PACRG: variants seen among roughly 807,000 people sequenced by gnomAD.
PACRG encodes the protein parkin coregulated gene protein.
PACRG carries 29 observed loss-of-function variants against 29.7 expected under a neutral mutation model. The observed-to-expected ratio is 0.98, with a 90% confidence interval of 0.73 to 1.33. The LOEUF (loss-of-function observed/expected upper bound fraction) is 1.33. PACRG is among the 40% of genes most tolerant of loss of function. PACRG has a pLI of 0.00. For synonymous variants in PACRG, 116 were observed against 118.7 expected (o/e 0.98, Z 0.15); for missense variants, 279 against 316.2 (o/e 0.88, Z 0.89).
At chr6:162,962,044 A>G (rs1017760480) in intron 2 of PACRG, among the ~76,000 whole-genome samples, 4 of 151,844 alleles carry the variant, frequency 2.6e-5, no homozygotes, top group Non-Finnish European at 1.5e-5. Flanking sequence ...TTTTTTCTCT[A>G]GTGTGTGTGA....
intron 4 of PACRG, among the ~76,000 whole-genome samples, chr6:163,216,116 G>A (rs1781352288): frequency 6.6e-6 from 1 of 152,208 alleles, no homozygotes; most frequent in South Asian, 2.1e-4. Context: ...TCTTTTCTGT[G>A]TCCAGAGGAC....
intron 2 of PACRG, among the ~76,000 whole-genome samples, chr6:162,895,133 G>A (rs542229736): frequency 1.3e-5 from 2 of 150,288 alleles, no homozygotes; most frequent in African/African-American, 4.9e-5. Context: ...AGCCATGTGT[G>A]GTGGCATGCG....
In PACRG at chr6:163,055,375, C is replaced by T. The variant is rs1019609665; in HGVS notation, c.292-6775C>T. Among the ~76,000 whole-genome samples, 6 of 151,986 alleles carry T rather than the reference C, an allele frequency of 3.9e-5. No homozygotes were observed. Among genetic ancestry groups the T allele is most frequent in the Non-Finnish European group, 8.8e-5 (6 of 67,982 alleles). ...ACACGCACACACACGCACACATATA[C>T]ACACATGCACTCACATATATACACA... On this transcript the variant is annotated intron_variant, in intron 2 of 4. Transcript: ENST00000366888. This position sits in a 1 kb window ranked among gnomAD's most constrained non-coding sequence, Gnocchi z 4.0.
chr6:162,819,056 A>C (rs1177833375), intron 2 of PACRG, among the ~76,000 whole-genome samples: 1 of 152,184 alleles, frequency 6.6e-6, no homozygotes, highest in Non-Finnish European at 1.5e-5. Flanking sequence ...CCTTGTCCAG[A>C]GTAGCAGACA....
At chr6:163,141,776 C>T (rs2128334686) in intron 4 of PACRG, among the ~76,000 whole-genome samples, 1 of 151,998 alleles carries the variant, frequency 6.6e-6, no homozygotes, top group Admixed American at 6.5e-5. Flanking sequence ...AACAATATAG[C>T]AGAAACATGT....
At chr6:163,233,979 G>A (rs1160524985) in intron 4 of PACRG, among the ~76,000 whole-genome samples, 1 of 152,180 alleles carries the variant, frequency 6.6e-6, no homozygotes, top group Non-Finnish European at 1.5e-5. Flanking sequence ...AGAAATGCCT[G>A]GTGGGAAGTA....
intron 4 of PACRG, among the ~76,000 whole-genome samples, chr6:163,219,527 C>T (rs1163452773): frequency 1.3e-5 from 2 of 152,244 alleles, no homozygotes; most frequent in African/African-American, 2.4e-5. Context: ...TTAATCCCAT[C>T]ATGCCATTCT....
intron 4 of PACRG, among the ~76,000 whole-genome samples, chr6:163,252,217 G>A (rs905968897): frequency 5.9e-5 from 9 of 152,226 alleles, no homozygotes; most frequent in African/African-American, 1.4e-4. Context: ...CGTGAGGGCC[G>A]CAGCCCCTGC....
At chr6:162,785,093 TC>T (rs1466376144) in intron 1 of PACRG, among the ~76,000 whole-genome samples, 3 of 151,958 alleles carry the variant, frequency 2.0e-5, no homozygotes, top group African/African-American at 7.3e-5. Context: ...TATATGGCTT[TC>T]CCAGCTAATT....
chr6:162,960,546 C>T (rs1017906479), intron 2 of PACRG, among the ~76,000 whole-genome samples: 7 of 152,094 alleles, frequency 4.6e-5, no homozygotes, highest in Non-Finnish European at 8.8e-5. Flanking sequence ...TAAGTGAGAG[C>T]TAAACATTGA....
chr6:162,940,582 T>C (rs796841491), intron 2 of PACRG, among the ~76,000 whole-genome samples: 4 of 152,300 alleles, frequency 2.6e-5, no homozygotes, highest in African/African-American at 9.6e-5. Flanking sequence ...ATGAATCAGA[T>C]GGCAGCAGAA....
intron 4 of PACRG, among the ~76,000 whole-genome samples, chr6:163,255,411 A>T (rs989935969): frequency 6.6e-6 from 1 of 152,120 alleles, no homozygotes; most frequent in East Asian, 1.9e-4. Flanking sequence ...GCAGCCACTC[A>T]GGTGTTTGCA....
intron 2 of PACRG, among the ~76,000 whole-genome samples, chr6:162,975,356 TA>T (rs1801862467): frequency 6.6e-6 from 1 of 152,236 alleles, no homozygotes; most frequent in East Asian, 1.9e-4. Flanking sequence ...TACAACTTGC[TA>T]AATCAAAAAC....
At chr6:163,009,323 G>C (rs905888986) in intron 2 of PACRG, among the ~76,000 whole-genome samples, 34 of 152,118 alleles carry the variant, frequency 2.2e-4, no homozygotes, top group Non-Finnish European at 3.8e-4. Context: ...TTTTCATCCT[G>C]TGCAAAGCTT....
At chr6:162,919,446 T>C (rs1381141733) in intron 2 of PACRG, among the ~76,000 whole-genome samples, 1 of 152,212 alleles carries the variant, frequency 6.6e-6, no homozygotes, top group African/African-American at 2.4e-5. Flanking sequence ...ATTTGAGCCA[T>C]GCTCCAGAAA....
At chr6:163,057,333 A>G (rs1810683071) in intron 2 of PACRG, among the ~76,000 whole-genome samples, 1 of 152,180 alleles carries the variant, frequency 6.6e-6, no homozygotes, top group South Asian at 2.1e-4. Flanking sequence ...GGACCAATTT[A>G]TTTTCAAAAT....
At chr6:163,237,922 A>G (rs1312691556) in intron 4 of PACRG, among the ~76,000 whole-genome samples, 2 of 152,156 alleles carry the variant, frequency 1.3e-5, no homozygotes, top group Non-Finnish European at 2.9e-5. Context: ...TTATATTTTC[A>G]TGTGTTATTT....
In PACRG at chr6:162,764,551, C is replaced by T. The variant is rs77371676; in HGVS notation, c.156+36160C>T. ...GCATTATCCTTAAATTACCCATGTCCATATTTAGAGATAGAAGATATAATT... is the reference window on the plus strand; with the variant it reads ...GCATTATCCTTAAATTACCCATGTCTATATTTAGAGATAGAAGATATAATT... On this transcript the variant is annotated intron_variant, in intron 1 of 4. Coordinates refer to ENST00000366888, the MANE Select transcript of PACRG (RefSeq NM_001080379.2). Among the ~76,000 whole-genome samples, 1,093 of 152,150 alleles carry T rather than the reference C, an allele frequency of 7.2e-3. 19 individuals are homozygous for T. Among genetic ancestry groups the T allele is most frequent in the African/African-American group, 0.025 (1,051 of 41,502 alleles).
intron 4 of PACRG, among the ~76,000 whole-genome samples, chr6:163,115,659 C>T (rs914090804): frequency 6.6e-5 from 10 of 152,060 alleles, no homozygotes; most frequent in South Asian, 2.1e-4. Flanking sequence ...GACGAGGCTG[C>T]GATTGCAATG....
Sources: gnomAD v4.1 joint callset for allele counts (sites outside exome capture counted in the v4.1 genomes callset) on GRCh38, gnomAD v4.1.1 for gene constraint, Gnocchi (gnomAD v3.1) non-coding constraint, MANE v1.5 for transcripts, NCBI Gene and HGNC (gene_info 2026-07-23, HGNC 2026-07-21) for gene names.